TSC22D1: variants seen among roughly 807,000 people sequenced by gnomAD.
TSC22D1 encodes TSC22 domain family member 1.
In TSC22D1, 9 loss-of-function variants were observed where a neutral mutation model predicts 74.2. That is an observed-to-expected ratio of 0.12 (90% confidence interval 0.07 to 0.21). The LOEUF (loss-of-function observed/expected upper bound fraction) is 0.21, where lower values mean the gene tolerates loss of function less well. TSC22D1 is among the 10% of genes least tolerant of loss of function. TSC22D1 has a pLI of 1.00. For missense variants in TSC22D1, 1,427 were observed against 1,304.7 expected, an observed-to-expected ratio of 1.09 and a Z score of -1.44; for synonymous variants, 586 against 492.5, an observed-to-expected ratio of 1.19 and a Z score of -2.51.
Position 44,576,126 on chromosome 13 carries a change from C to A in TSC22D1, c.-52G>T. ...AGACGAGTGCAATTTCCTTCTGCAC[C>A]GTAATCTTTGTATTGGAGACGCCGG... is the stretch of plus-strand genomic sequence containing the variant. On this transcript the variant is annotated 5_prime_UTR_variant, in exon 1 of 3. Coordinates refer to ENST00000458659, the MANE Select transcript of TSC22D1 (RefSeq NM_183422.4). 7.0e-7 allele frequency: 1 copy of A among 1,437,492 alleles called. No homozygotes were observed. The highest frequency in any genetic ancestry group is 2.5e-5 in the East Asian group (1 of 39,618). The allele number at this position is 1,437,492 out of a possible 1,614,324, so 89.0% of individuals were successfully genotyped here. A position where few individuals can be genotyped will look rare whatever the true frequency, so the allele number is the denominator to read the frequency against.
intron 1 of TSC22D1, chr13:44,436,452 TTA>T: frequency 6.3e-7 from 1 of 1,590,400 alleles, no homozygotes; most frequent in African/African-American, 1.3e-5. Flanking sequence ...ACCTGTATTA[TTA>T]TAAGTATCCC....
intron 1 of TSC22D1, among the ~76,000 whole-genome samples, chr13:44,450,027 T>C (rs187363121): frequency 6.6e-6 from 1 of 152,320 alleles, no homozygotes; most frequent in East Asian, 1.9e-4. Context: ...ACGTATGATA[T>C]TTTGTATAAT....
At chr13:44,450,294 A>AG (rs139670761) in intron 1 of TSC22D1, among the ~76,000 whole-genome samples, 15,120 of 152,236 alleles carry the variant, frequency 0.099, 784 homozygotes, top group Non-Finnish European at 0.11. Context: ...TAGCAGTGGG[A>AG]GTGAAGAGAA....
intron 1 of TSC22D1, among the ~76,000 whole-genome samples, chr13:44,566,344 T>G (rs1883372076): frequency 6.6e-6 from 1 of 152,216 alleles, no homozygotes; most frequent in Non-Finnish European, 1.5e-5. Flanking sequence ...AGTTTCAGTT[T>G]ATTCACCAAT....
chr13:44,508,376 T>TA (rs1241742213), intron 1 of TSC22D1, among the ~76,000 whole-genome samples: 1 of 152,194 alleles, frequency 6.6e-6, no homozygotes, highest in Non-Finnish European at 1.5e-5. Flanking sequence ...CCGATGTTCA[T>TA]ACGTTCTATA....
chr13:44,544,733 C>A (rs1308196769), intron 1 of TSC22D1, among the ~76,000 whole-genome samples: 1 of 152,026 alleles, frequency 6.6e-6, no homozygotes, highest in African/African-American at 2.4e-5. Context: ...TGTATATTTT[C>A]TCTTCAACCT....
intron 1 of TSC22D1, among the ~76,000 whole-genome samples, chr13:44,556,923 C>A (rs1310156348): frequency 6.6e-6 from 1 of 151,784 alleles, no homozygotes; most frequent in Non-Finnish European, 1.5e-5. Flanking sequence ...GCGGGCGGAT[C>A]ACCTGAGGTC....
At chr13:44,562,947 T>C (rs1242430543) in intron 1 of TSC22D1, among the ~76,000 whole-genome samples, 2 of 151,744 alleles carry the variant, frequency 1.3e-5, no homozygotes, top group African/African-American at 2.4e-5. Flanking sequence ...CTCTACTAAA[T>C]ACAAAAAATT....
chr13:44,568,414 A>G (rs116675674), intron 1 of TSC22D1, among the ~76,000 whole-genome samples: 2 of 152,066 alleles, frequency 1.3e-5, no homozygotes, highest in African/African-American at 4.8e-5. Context: ...CTAGGCAAAG[A>G]GGTAAAAAAA....
At chr13:44,576,762 G>A (rs1407918623), upstream of TSC22D1, among the ~76,000 whole-genome samples, 4 of 151,318 alleles carry the variant, frequency 2.6e-5, no homozygotes, top group African/African-American at 4.8e-5. Context: ...GAGGCGCCCG[G>A]TACGGTGAGC....
rs775348040 is a variant in TSC22D1, at chr13:44,575,307, G to A, written c.768C>T (p.Ser256=). 2 of 1,614,172 alleles carry A rather than the reference G, an allele frequency of 1.2e-6. No individual in the cohort carries two copies. Among genetic ancestry groups the A allele is most frequent in the Admixed American group, 1.7e-5 (1 of 60,024 alleles). ...SASITGGPPS[S]PVSRKLSTTG... The stretch of plus-strand genomic sequence containing the variant: ...TTGTAGAGAGTTTTCTAGATACTGG[G>A]CTTGAGGGTGGCCCACCAGTAATGG... The change falls in exon 1 of 3, where the codon AGC becomes AGT. Residue 256 remains serine, a synonymous_variant. Transcript: ENST00000458659.
At chr13:44,447,075 C>T (rs547248504) in intron 1 of TSC22D1, among the ~76,000 whole-genome samples, 53 of 152,116 alleles carry the variant, frequency 3.5e-4, no homozygotes, top group African/African-American at 1.2e-3. Flanking sequence ...CCCATTTCCC[C>T]CTTCTCCTGC....
Position 44,508,762 on chromosome 13 carries a change from A to T in TSC22D1, c.2912+64401T>A, listed in dbSNP as rs76414010. ...TCACACCACTGTCCCCTTGCTCCCC[A>T]TGCTCCAGCCACCCAAGTCTCCCTG... is the stretch of plus-strand genomic sequence containing the variant. On this transcript the variant is annotated intron_variant, in intron 1 of 2. Coordinates refer to ENST00000458659, the MANE Select transcript of TSC22D1 (RefSeq NM_183422.4). Among the ~76,000 whole-genome samples, 14 of 152,094 alleles carry T rather than the reference A, an allele frequency of 9.2e-5. No homozygotes were observed. The East Asian group carries it at 1.4e-3, about 15-fold the overall frequency.
At chr13:44,567,052 G>GT (rs1883422260) in intron 1 of TSC22D1, among the ~76,000 whole-genome samples, 1 of 152,168 alleles carries the variant, frequency 6.6e-6, no homozygotes. Flanking sequence ...TCTGAAGAAG[G>GT]TAAAACATAG....
At chr13:44,559,610 G>C (rs761420162) in intron 1 of TSC22D1, among the ~76,000 whole-genome samples, 1 of 151,426 alleles carries the variant, frequency 6.6e-6, no homozygotes, top group African/African-American at 2.4e-5. Context: ...CTGCAGCCTC[G>C]AACTCCTGGG....
intron 1 of TSC22D1, chr13:44,536,946 A>G: frequency 1.1e-6 from 1 of 897,808 alleles, no homozygotes; most frequent in Non-Finnish European, 1.3e-6. Flanking sequence ...AAAAAAAAAA[A>G]AAAAAAAAAA....
In TSC22D1 at chr13:44,573,854, C is replaced by A. The variant is rs201226877; in HGVS notation, c.2221G>T (p.Ala741Ser). Residue 741 changes from alanine to serine, a missense_variant, in exon 1 of 3, where the codon GCA becomes TCA. Physicochemically the swap from Ala to Ser is moderately conservative, Grantham distance 99. Coordinates refer to ENST00000458659, the MANE Select transcript of TSC22D1 (RefSeq NM_183422.4). ...ACCTGGGTAGAGGGCTGCTGCACTG[C>A]AGTAGGTATGTTTGCTTGCTGACCA... is the stretch of plus-strand genomic sequence containing the variant. ...NIGQQANIPT[A>S]VQQPSTQVPP... 5 of 1,614,092 alleles carry A rather than the reference C, an allele frequency of 3.1e-6. No individual in the cohort carries two copies. The highest frequency in any genetic ancestry group is 3.3e-5 in the Admixed American group (2 of 60,012).
rs774888293 is a variant in TSC22D1, at chr13:44,573,987, C to T, written c.2088G>A (p.Val696=). The change falls in exon 1 of 3, where the codon GTG becomes GTA. Residue 696 remains valine (V), a synonymous_variant. Coordinates refer to ENST00000458659, the MANE Select transcript of TSC22D1 (RefSeq NM_183422.4). ...VAQPQGIQLP[V]QPTAVPAQPA... is the part of the protein sequence containing the mutation. ...GTTGTGCTGGGACTGCTGTGGGCTG[C>T]ACTGGCAGCTGGATACCCTGTGGCT... The T allele has an allele frequency of 1.9e-6, 3 of 1,614,048 alleles. No homozygotes were observed. Among genetic ancestry groups the T allele is most frequent in the Non-Finnish European group, 1.7e-6 (2 of 1,180,036 alleles).
At chr13:44,565,261 T>C (rs756756641) in intron 1 of TSC22D1, among the ~76,000 whole-genome samples, 7 of 152,070 alleles carry the variant, frequency 4.6e-5, no homozygotes, top group Non-Finnish European at 8.8e-5. Flanking sequence ...AAACAGAGTC[T>C]GACAGAAGAG....
Sources: gnomAD v4.1 joint callset for allele counts (sites outside exome capture counted in the v4.1 genomes callset) on GRCh38, gnomAD v4.1.1 for gene constraint, MANE v1.5 for transcripts, NCBI Gene and HGNC (gene_info 2026-07-23, HGNC 2026-07-21) for gene names.